CERK: variants seen among roughly 807,000 people sequenced by gnomAD.
The protein encoded by CERK is acylsphingosine kinase.
CERK carries 39 observed loss-of-function variants against 63.4 expected under a neutral mutation model. The ratio of observed to expected loss-of-function variants is 0.61; its 90% CI spans 0.48 to 0.80. The LOEUF (loss-of-function observed/expected upper bound fraction) is 0.80, where lower values mean the gene tolerates loss of function less well. CERK is among the 30% of genes least tolerant of loss of function. CERK has a pLI of 0.00. For synonymous variants in CERK, 302 were observed against 280.0 expected (o/e 1.08, Z -0.78); for missense variants, 670 against 714.1 (o/e 0.94, Z 0.70).
intron 6 of CERK, among the ~76,000 whole-genome samples, chr22:46,703,868 C>T (rs1286287998): frequency 2.0e-5 from 3 of 151,620 alleles, no homozygotes; most frequent in Admixed American, 1.3e-4. Context: ...CCACCCCCAC[C>T]CCCAGCCACA....
At position 46,706,294 on chromosome 22, in the gene CERK, G is replaced by A. The variant is rs532548498; in HGVS notation, c.715+1549C>T. ...GGGCCCTCCCGAGCCGTCTGCTCCC[G>A]GCCAGCTCTTCCGCTCTCCCCACTC... On this transcript the variant is annotated intron_variant, in intron 6 of 12. Coordinates refer to ENST00000216264, the MANE Select transcript of CERK (RefSeq NM_022766.6). Among the ~76,000 whole-genome samples, 565 of 152,216 alleles carry A rather than the reference G, an allele frequency of 3.7e-3. 1 individual carries two copies. Among genetic ancestry groups the A allele is most frequent in the Non-Finnish European group, 5.9e-3 (400 of 67,998 alleles).
At position 46,688,311 on chromosome 22, in the gene CERK, TAGAC is replaced by T. The variant is rs955740174; in HGVS notation, c.1542-1109_1542-1106del. On this transcript the variant is annotated intron_variant, in intron 12 of 12. Coordinates refer to ENST00000216264, the MANE Select transcript of CERK (RefSeq NM_022766.6). Reference sequence around the variant, plus strand: ...CAAGGCATAGCCATATTTATCAAGATAGACAGGACGTATTTCAAGAATGCCTGTC... The same window carrying T: ...CAAGGCATAGCCATATTTATCAAGATAGGACGTATTTCAAGAATGCCTGTC... Among the ~76,000 whole-genome samples the T allele has an allele frequency of 4.1e-4, 62 of 152,364 alleles. 1 individual carries two copies. The highest frequency in any genetic ancestry group is 5.6e-4 in the Non-Finnish European group (38 of 68,032).
At chr22:46,724,505 G>A (rs1323620501) in intron 1 of CERK, among the ~76,000 whole-genome samples, 1 of 152,150 alleles carries the variant, frequency 6.6e-6, no homozygotes, top group African/African-American at 2.4e-5. Flanking sequence ...GGCCATGGTG[G>A]GAACACATTC....
chr22:46,707,500 C>A (rs1039161455), intron 6 of CERK, among the ~76,000 whole-genome samples: 21 of 152,262 alleles, frequency 1.4e-4, no homozygotes, highest in African/African-American at 5.1e-4. Flanking sequence ...TCCTTCAGGT[C>A]CAGAAGCCAC....
intron 12 of CERK, among the ~76,000 whole-genome samples, chr22:46,689,261 C>T (rs1442800944): frequency 2.0e-5 from 3 of 152,396 alleles, no homozygotes; most frequent in African/African-American, 7.2e-5. Flanking sequence ...TCCTGCCCCT[C>T]CCTGCACGGA....
intron 1 of CERK, among the ~76,000 whole-genome samples, chr22:46,729,558 A>G (rs906771957): frequency 6.6e-6 from 1 of 152,056 alleles, no homozygotes. Flanking sequence ...ACAGGCATGC[A>G]CAACACCCAG....
chr22:46,731,179 G>A (rs887509363), intron 1 of CERK, among the ~76,000 whole-genome samples: 3 of 152,358 alleles, frequency 2.0e-5, no homozygotes, highest in East Asian at 1.9e-4. Flanking sequence ...AGCCCAGCCC[G>A]GGCCCCCACC....
chr22:46,727,051 A>G lies in CERK; in HGVS notation c.143-6036T>C, dbSNP rs116351179. 3.6e-3 allele frequency among the ~76,000 whole-genome samples: 547 copies of G among 152,264 alleles called. 5 individuals are homozygous for G. The highest frequency in any genetic ancestry group is 0.013 in the African/African-American group (534 of 41,544). Reference sequence around the variant, plus strand: ...AAAAACTCACCATGCAAATCTAACAAAGAAAAAAATCTGTGGCCAAATTTA... The same window carrying G: ...AAAAACTCACCATGCAAATCTAACAGAGAAAAAAATCTGTGGCCAAATTTA... On this transcript the variant is annotated intron_variant, in intron 1 of 12. Coordinates refer to ENST00000216264, the MANE Select transcript of CERK (RefSeq NM_022766.6).
In CERK at chr22:46,714,704, A is replaced by G. The variant is rs1444986705; in HGVS notation, c.380-2411T>C. On this transcript the variant is annotated intron_variant, in intron 3 of 12. Coordinates refer to ENST00000216264, the MANE Select transcript of CERK (RefSeq NM_022766.6). This position sits in a 1 kb window ranked among gnomAD's most constrained non-coding sequence, Gnocchi z 4.4. ...AACATTTAAGGAAAAAATAGCCTCA[A>G]GATTATAGGAACGCTTCCAGAGAAC... Among the ~76,000 whole-genome samples, 1 of 152,226 alleles carries G rather than the reference A, an allele frequency of 6.6e-6. No homozygotes were observed.
chr22:46,699,498 C>A (rs369509943), intron 7 of CERK, 33 bp from the exon 8 acceptor site: 19 of 1,609,848 alleles, frequency 1.2e-5, no homozygotes, highest in Non-Finnish European at 1.4e-5. Context: ...GGGAAGGCAG[C>A]CCCCCTCCAG....
intron 12 of CERK, among the ~76,000 whole-genome samples, chr22:46,689,194 C>G (rs2082717865): frequency 6.6e-6 from 1 of 152,150 alleles, no homozygotes; most frequent in African/African-American, 2.4e-5. Context: ...CGGGGCGTCC[C>G]TCTGGGGCTC....
intron 3 of CERK, among the ~76,000 whole-genome samples, chr22:46,718,381 G>A (rs6008963): frequency 0.014 from 2,102 of 152,250 alleles, 36 homozygotes; most frequent in African/African-American, 0.047. Context: ...CGGAAAGGGG[G>A]AGTCGAGAGA....
intron 3 of CERK, among the ~76,000 whole-genome samples, chr22:46,716,159 C>T (rs975967116): frequency 2.6e-5 from 4 of 151,212 alleles, no homozygotes; most frequent in Non-Finnish European, 4.4e-5. Context: ...CACTGCACTC[C>T]GGCCTGGGTG....
chr22:46,724,322 C>T (rs556067986), intron 1 of CERK, among the ~76,000 whole-genome samples: 3 of 152,282 alleles, frequency 2.0e-5, no homozygotes, highest in East Asian at 3.9e-4. Context: ...TTTACATTAT[C>T]GCAAGGCGTC....
At chr22:46,708,538 G>A (rs958760132) in intron 5 of CERK, among the ~76,000 whole-genome samples, 3 of 152,242 alleles carry the variant, frequency 2.0e-5, no homozygotes, top group African/African-American at 7.2e-5. Flanking sequence ...AGGACCCAAG[G>A]CAAGAGCAGA....
chr22:46,720,310 C>A, intron 2 of CERK, 102 bp from the exon 3 acceptor site: 1 of 1,395,388 alleles, frequency 7.2e-7, no homozygotes, highest in Non-Finnish European at 9.6e-7. Flanking sequence ...GGTTCCTAAC[C>A]AAAATTTCCC....
At chr22:46,728,161 G>C (rs559590603) in intron 1 of CERK, among the ~76,000 whole-genome samples, 2 of 152,022 alleles carry the variant, frequency 1.3e-5, no homozygotes, top group Non-Finnish European at 2.9e-5. Context: ...TCTCAACACA[G>C]AACACCCGCC....
chr22:46,712,214 T>A lies in CERK; in HGVS notation c.459A>T (p.Lys153Asn). ...AGGCTAAGGTGAACAGTGGTGCCACTTTTCTTTCATATATCCGCTTGCCTT... is the reference window on the plus strand; with the variant it reads ...AGGCTAAGGTGAACAGTGGTGCCACATTTCTTTCATATATCCGCTTGCCTT... The part of the protein sequence containing the change: ...KGQGKRIYER[K>N]VAPLFTLASI... Residue 153 changes from lysine to asparagine, a missense_variant, in exon 4 of 13, where the codon AAA (lysine) becomes AAT (asparagine). Coordinates refer to ENST00000216264, the MANE Select transcript of CERK (RefSeq NM_022766.6). 2 of 1,614,178 alleles carry A rather than the reference T, an allele frequency of 1.2e-6. No individual in the cohort carries two copies. Among genetic ancestry groups the A allele is most frequent in the Non-Finnish European group, 1.7e-6 (2 of 1,179,972 alleles).
intron 1 of CERK, among the ~76,000 whole-genome samples, chr22:46,721,772 G>T (rs968845791): frequency 1.3e-5 from 2 of 152,148 alleles, no homozygotes; most frequent in African/African-American, 4.8e-5. Context: ...CAAGTGTGGC[G>T]CGAACTGGAG....
Sources: gnomAD v4.1 joint callset for allele counts (sites outside exome capture counted in the v4.1 genomes callset) on GRCh38, gnomAD v4.1.1 for gene constraint, Gnocchi (gnomAD v3.1) non-coding constraint, MANE v1.5 for transcripts, NCBI Gene and HGNC (gene_info 2026-07-23, HGNC 2026-07-21) for gene names.